ADRA2A: variants seen among roughly 807,000 people sequenced by gnomAD.
ADRA2A encodes the protein alpha-2A adrenergic receptor.
A neutral mutation model predicts 5.9 loss-of-function variants in ADRA2A; 6 were observed. That is an observed-to-expected ratio of 1.01 (90% CI 0.55 to 2.00). ADRA2A has a LOEUF of 2.00. Ranked by LOEUF, ADRA2A falls within the 30% of genes most tolerant of loss-of-function variation. ADRA2A has a pLI of 0.00. For missense variants in ADRA2A, 647 were observed against 690.0 expected (o/e 0.94, Z 0.70); for synonymous variants, 345 against 325.9 (o/e 1.06, Z -0.63).
In ADRA2A at chr10:111,077,798, A is replaced by C. The variant is rs1843547923; in HGVS notation, c.-199A>C. Reference sequence around the variant, plus strand: ...AGAAGGCGCCCACCGAGAGCGTCTGAAGCGCGAGCCAGGCGCAGTTCGCGG... The same window carrying C: ...AGAAGGCGCCCACCGAGAGCGTCTGCAGCGCGAGCCAGGCGCAGTTCGCGG... On this transcript the variant is annotated 5_prime_UTR_variant, in exon 1 of 1. Coordinates refer to ENST00000280155, the MANE Select transcript of ADRA2A (RefSeq NM_000681.4). 4.1e-6 allele frequency: 3 copies of C among 732,086 alleles called. No individual in the cohort carries two copies. Among genetic ancestry groups the C allele is most frequent in the Non-Finnish European group, 5.6e-6 (3 of 532,038 alleles). The allele number at this position is 732,086 out of a possible 1,614,324, so 45.3% of individuals were successfully genotyped here.
chr10:111,079,541 G>A lies in ADRA2A; in HGVS notation c.*147G>A. On this transcript the variant is annotated 3_prime_UTR_variant, in exon 1 of 1. Coordinates refer to ENST00000280155, the MANE Select transcript of ADRA2A (RefSeq NM_000681.4). ...GGTGGCTCTGCAGCCTCCTGCGGGCGGGCGTCTGCTGCTCCTACAAGGGAA... is the reference window on the plus strand; with the variant it reads ...GGTGGCTCTGCAGCCTCCTGCGGGCAGGCGTCTGCTGCTCCTACAAGGGAA... 2.4e-6 allele frequency: 2 copies of A among 823,584 alleles called. No homozygotes were observed. The highest frequency in any genetic ancestry group is 1.7e-5 in the African/African-American group (1 of 57,888). The allele number at this position is 823,584 out of a possible 1,614,324, so 51.0% of individuals were successfully genotyped here.
In ADRA2A at chr10:111,078,635, C is replaced by A; in HGVS notation, c.639C>A (p.Ile213=). ...CEINDQKWYV[I]SSCIGSFFAP... ...TCAACGACCAGAAGTGGTACGTCAT[C>A]TCGTCGTGCATCGGCTCCTTCTTCG... is the stretch of plus-strand genomic sequence containing the variant. Residue 213 remains isoleucine, a synonymous_variant, in exon 1 of 1, where the codon ATC becomes ATA. Transcript: ENST00000280155. 1.3e-6 allele frequency: 2 copies of A among 1,591,050 alleles called. No individual in the cohort carries two copies. Among genetic ancestry groups the A allele is most frequent in the Non-Finnish European group, 1.7e-6 (2 of 1,168,102 alleles).
rs756360648 is a variant in ADRA2A at position 111,079,383 on chromosome 10, C to G, written c.1387C>G (p.Arg463Gly). 1 of 1,613,690 alleles carries G rather than the reference C, an allele frequency of 6.2e-7. No individual in the cohort carries two copies. The highest frequency in any genetic ancestry group is 1.1e-5 in the South Asian group (1 of 91,088). Residue 463 changes from arginine (R) to glycine (G), a missense_variant, in exon 1 of 1, where the codon CGG (arginine) becomes GGG (glycine). Arg to Gly is a moderately radical substitution (Grantham distance 125, BLOSUM62 -2). This residue lies in a region of ADRA2A where 62 missense variants were observed against 59.8 expected (regional missense o/e 1.04). Coordinates refer to ENST00000280155, the MANE Select transcript of ADRA2A (RefSeq NM_000681.4). ...GATCCTCTGTCGGGGGGACAGGAAG[C>G]GGATCGTGTGAGGTTTCCGCTGGCG... ...KKILCRGDRK[R>G]IV
Position 111,079,575 on chromosome 10 carries a change from C to T in ADRA2A, c.*181C>T. The T allele has an allele frequency of 3.0e-6, 2 of 666,826 alleles. No individual in the cohort carries two copies. The highest frequency in any genetic ancestry group is 5.2e-6 in the Non-Finnish European group (2 of 384,340). 41.3% of individuals were successfully genotyped at this position (666,826 alleles called of 1,614,324 possible). On this transcript the variant is annotated 3_prime_UTR_variant, in exon 1 of 1. Coordinates refer to ENST00000280155, the MANE Select transcript of ADRA2A (RefSeq NM_000681.4). ...CTGCTCCTACAAGGGAAGCTTCTTG[C>T]TGCCAGGCCCACACATCCCCAGTTG...
In ADRA2A at chr10:111,080,576, C is replaced by G. The variant is rs370008252; in HGVS notation, c.*1182C>G. Reference sequence around the variant, plus strand: ...TCAAAATGTTGTCCTTTCCCCCCTCCGTGCTTTTCTGGTTGAGATCATGTC... The same window carrying G: ...TCAAAATGTTGTCCTTTCCCCCCTCGGTGCTTTTCTGGTTGAGATCATGTC... On this transcript the variant is annotated 3_prime_UTR_variant, in exon 1 of 1. Coordinates refer to ENST00000280155, the MANE Select transcript of ADRA2A (RefSeq NM_000681.4). The G allele has an allele frequency of 1.2e-5, 2 of 167,026 alleles. No individual in the cohort carries two copies. Among genetic ancestry groups the G allele is most frequent in the Non-Finnish European group, 2.9e-5 (2 of 68,112 alleles). The allele number at this position is 167,026 out of a possible 1,614,324, so 10.3% of individuals were successfully genotyped here. A position where few individuals can be genotyped will look rare whatever the true frequency, so the allele number is the denominator to read the frequency against.
chr10:111,079,259 G>A lies in ADRA2A; in HGVS notation c.1263G>A (p.Thr421=), dbSNP rs753047615. The A allele has an allele frequency of 5.0e-6, 8 of 1,614,026 alleles. No homozygotes were observed. The East Asian group carries it at 6.7e-5, about 13-fold the overall frequency. Residue 421 remains threonine, a synonymous_variant, in exon 1 of 1, where the codon ACG becomes ACA. Transcript: ENST00000280155. The stretch of plus-strand genomic sequence containing the variant: ...CCGTCGGGTGCTCCGTGCCACGCAC[G>A]CTCTTCAAATTCTTCTTCTGGTTCG... ...LTAVGCSVPR[T]LFKFFFWFGY...
At position 111,078,972 on chromosome 10, in the gene ADRA2A, C is replaced by A; in HGVS notation, c.976C>A (p.Pro326Thr). ...HAERPPGPRR[P>T]ERGPRGKGKA... The stretch of plus-strand genomic sequence containing the variant: ...CGAGCGGCCTCCAGGGCCCCGCAGA[C>A]CCGAGCGCGGTCCCCGGGGCAAAGG... Residue 326 changes from proline (P) to threonine (T), a missense_variant, in exon 1 of 1, where the codon CCC becomes ACC. Physicochemically the swap from Pro to Thr is conservative, Grantham distance 38. Transcript: ENST00000280155. The A allele has an allele frequency of 1.6e-6, 2 of 1,235,832 alleles. No homozygotes were observed. The highest frequency in any genetic ancestry group is 2.0e-6 in the Non-Finnish European group (2 of 992,124). The allele number at this position is 1,235,832 out of a possible 1,614,324, so 76.6% of individuals were successfully genotyped here.
Position 111,078,838 on chromosome 10 carries a change from C to A in ADRA2A, c.842C>A (p.Ala281Asp). The A allele has an allele frequency of 1.6e-6, 2 of 1,218,798 alleles. No individual in the cohort carries two copies. The highest frequency in any genetic ancestry group is 3.2e-5 in the South Asian group (1 of 30,924). The allele number at this position is 1,218,798 out of a possible 1,614,324, so 75.5% of individuals were successfully genotyped here. ...ERSAGPGGAE[A>D]EPLPTQLNGA... ...AGCGCGGGCCCGGGGGGCGCAGAGGCCGAACCGCTGCCCACCCAGCTCAAC... is the reference window on the plus strand; with the variant it reads ...AGCGCGGGCCCGGGGGGCGCAGAGGACGAACCGCTGCCCACCCAGCTCAAC... Residue 281 changes from alanine to aspartate, a missense_variant, in exon 1 of 1, where the codon GCC becomes GAC. By Grantham distance (126) the Ala-to-Asp change is moderately radical. This residue lies in a region of ADRA2A where 577 missense variants were observed against 605.4 expected (regional missense o/e 0.95). Transcript: ENST00000280155.
Position 111,077,437 on chromosome 10 carries a change from T to G in ADRA2A, c.-560T>G, listed in dbSNP as rs1470002204. 6.6e-6 allele frequency: 1 copy of G among 151,122 alleles called. No individual in the cohort carries two copies. Among genetic ancestry groups the G allele is most frequent in the Non-Finnish European group, 1.5e-5 (1 of 67,858 alleles). 9.4% of individuals were successfully genotyped at this position (151,122 alleles called of 1,614,324 possible). On this transcript the variant is annotated 5_prime_UTR_variant, in exon 1 of 1. Coordinates refer to ENST00000280155, the MANE Select transcript of ADRA2A (RefSeq NM_000681.4). ...GCCGGGCCGGGCCAGAACCGCAGCG[T>G]CTGGGGGAAGCCAGAGAGTCGGTAA...
Position 111,078,598 on chromosome 10 carries a change from C to G in ADRA2A, c.602C>G (p.Pro201Arg), listed in dbSNP as rs1051407392. The change falls in exon 1 of 1, where the codon CCG becomes CGG. Residue 201 changes from proline (P) to arginine (R), a missense_variant. Physicochemically the swap from Pro to Arg is moderately radical, Grantham distance 103. Transcript: ENST00000280155. ...GGCGGCGGCCCGCAGCCGGCCGAGC[C>G]GCGCTGCGAGATCAACGACCAGAAG... Reference protein sequence around the residue: ...GGGGGPQPAEPRCEINDQKWY... With the variant: ...GGGGGPQPAERRCEINDQKWY... The G allele has an allele frequency of 1.2e-6, 2 of 1,600,302 alleles. No homozygotes were observed. The highest frequency in any genetic ancestry group is 1.1e-5 in the South Asian group (1 of 89,766).
Position 111,078,659 on chromosome 10 carries a change from C to T in ADRA2A, c.663C>T (p.Phe221=), listed in dbSNP as rs1334225932. Residue 221 remains phenylalanine, a synonymous_variant, in exon 1 of 1, where the codon TTC becomes TTT. Transcript: ENST00000280155. ...YVISSCIGSF[F]APCLIMILVY... is the part of the protein sequence containing the mutation. ...TCTCGTCGTGCATCGGCTCCTTCTT[C>T]GCTCCCTGCCTCATCATGATCCTGG... 2 of 1,581,514 alleles carry T rather than the reference C, an allele frequency of 1.3e-6. No homozygotes were observed. The highest frequency in any genetic ancestry group is 2.3e-5 in the South Asian group (2 of 87,450).
chr10:111,079,073 G>C lies in ADRA2A; in HGVS notation c.1077G>C (p.Thr359=), dbSNP rs1843568935. 3 of 1,378,724 alleles carry C rather than the reference G, an allele frequency of 2.2e-6. No homozygotes were observed. The highest frequency in any genetic ancestry group is 2.8e-6 in the Non-Finnish European group (3 of 1,071,308). The allele number at this position is 1,378,724 out of a possible 1,614,324, so 85.4% of individuals were successfully genotyped here. A position where few individuals can be genotyped will look rare whatever the true frequency, so the allele number is the denominator to read the frequency against. Residue 359 remains threonine (T), a synonymous_variant, in exon 1 of 1, where the codon ACG becomes ACC. Transcript: ENST00000280155. The part of the protein sequence containing the change: ...RRGPGATGIG[T]PAAGPGEERV... ...GGCCGGGGGCGACGGGGATCGGGAC[G>C]CCGGCTGCAGGGCCGGGGGAGGAGC... is the stretch of plus-strand genomic sequence containing the variant.
chr10:111,079,082 A>C lies in ADRA2A; in HGVS notation c.1086A>C (p.Ala362=). 1.4e-5 allele frequency: 20 copies of C among 1,420,910 alleles called. No homozygotes were observed. Among genetic ancestry groups the C allele is most frequent in the Non-Finnish European group, 1.8e-5 (20 of 1,092,216 alleles). 88.0% of individuals were successfully genotyped at this position (1,420,910 alleles called of 1,614,324 possible). The change falls in exon 1 of 1, where the codon GCA becomes GCC. Residue 362 remains alanine, a synonymous_variant. Transcript: ENST00000280155. ...CGACGGGGATCGGGACGCCGGCTGC[A>C]GGGCCGGGGGAGGAGCGCGTCGGGG... is the stretch of plus-strand genomic sequence containing the variant. ...PGATGIGTPA[A]GPGEERVGAA... is the part of the protein sequence containing the mutation.
rs1201700337 is a variant in ADRA2A at position 111,077,423 on chromosome 10, C to A, written c.-574C>A. On this transcript the variant is annotated 5_prime_UTR_variant, in exon 1 of 1. Coordinates refer to ENST00000280155, the MANE Select transcript of ADRA2A (RefSeq NM_000681.4). ...CGCCCCAGCCCCGGGCCGGGCCGGGCCAGAACCGCAGCGTCTGGGGGAAGC... is the reference window on the plus strand; with the variant it reads ...CGCCCCAGCCCCGGGCCGGGCCGGGACAGAACCGCAGCGTCTGGGGGAAGC... The A allele has an allele frequency of 6.6e-6, 1 of 152,050 alleles. No individual in the cohort carries two copies. The highest frequency in any genetic ancestry group is 1.5e-5 in the Non-Finnish European group (1 of 68,048). 9.4% of individuals were successfully genotyped at this position (152,050 alleles called of 1,614,324 possible). A position where few individuals can be genotyped will look rare whatever the true frequency, so the allele number is the denominator to read the frequency against.
chr10:111,078,037 C>A lies in ADRA2A; in HGVS notation c.41C>A (p.Ala14Glu). Reference protein sequence around the residue: ...QEQPLAEGSFAPMGSLQPDAG... With the variant: ...QEQPLAEGSFEPMGSLQPDAG... The stretch of plus-strand genomic sequence containing the variant: ...CAGCCGTTGGCCGAGGGCAGCTTTG[C>A]GCCCATGGGCTCCCTGCAGCCGGAC... Residue 14 changes from alanine to glutamate, a missense_variant, in exon 1 of 1, where the codon GCG (alanine) becomes GAG (glutamate). Around this residue, in one of 3 missense-constraint regions of ADRA2A, gnomAD observed 577 missense variants for 605.4 expected, o/e 0.95. Coordinates refer to ENST00000280155, the MANE Select transcript of ADRA2A (RefSeq NM_000681.4). 6.7e-7 allele frequency: 1 copy of A among 1,491,726 alleles called. No individual in the cohort carries two copies. The allele number at this position is 1,491,726 out of a possible 1,614,324, so 92.4% of individuals were successfully genotyped here. A position where few individuals can be genotyped will look rare whatever the true frequency, so the allele number is the denominator to read the frequency against.
rs763351862 is a variant in ADRA2A, at chr10:111,078,388, TC to T, written c.393del (p.Cys132AlafsTer27). 1 of 1,614,044 alleles carries T rather than the reference TC, an allele frequency of 6.2e-7. No homozygotes were observed. Among genetic ancestry groups the T allele is most frequent in the Non-Finnish European group, 8.5e-7 (1 of 1,179,992 alleles). On this transcript the variant is annotated frameshift_variant, in exon 1 of 1. Transcript: ENST00000280155. LOFTEE classifies it low-confidence loss of function (END_TRUNC). ...ATCTACCTGGCGCTCGACGTGCTCT[TC>T]TGCACGTCGTCCATCGTGCACCTGT... ...CEIYLALDVL[F>X]CTSSIVHLCA...
chr10:111,078,185 G>A lies in ADRA2A; in HGVS notation c.189G>A (p.Val63=). 1.2e-6 allele frequency: 2 copies of A among 1,612,466 alleles called. No individual in the cohort carries two copies. Among genetic ancestry groups the A allele is most frequent in the South Asian group, 1.1e-5 (1 of 90,932 alleles). ...CCGGCCTGCTCATGCTGCTCACCGT[G>A]TTCGGCAACGTGCTCGTCATCATCG... ...CLAGLLMLLT[V]FGNVLVIIAV... Residue 63 remains valine, a synonymous_variant, in exon 1 of 1, where the codon GTG becomes GTA. Transcript: ENST00000280155.
downstream of ADRA2A, chr10:111,080,907 A>AT (rs1465690857): frequency 1.2e-5 from 2 of 161,776 alleles, no homozygotes; most frequent in African/African-American, 4.8e-5. Context: ...CATTATAAAA[A>AT]TTTTTTAAAC....
At position 111,077,422 on chromosome 10, in the gene ADRA2A, GC is replaced by G; in HGVS notation, c.-573del. 1 of 152,196 alleles carries G rather than the reference GC, an allele frequency of 6.6e-6. No homozygotes were observed. The highest frequency in any genetic ancestry group is 2.1e-4 in the South Asian group (1 of 4,810). The allele number at this position is 152,196 out of a possible 1,614,324, so 9.4% of individuals were successfully genotyped here. ...GCGCCCCAGCCCCGGGCCGGGCCGG[GC>G]CAGAACCGCAGCGTCTGGGGGAAGC... On this transcript the variant is annotated 5_prime_UTR_variant, in exon 1 of 1. An upstream open reading frame in the 5' UTR gains an earlier in-frame stop. Transcript: ENST00000280155.
Sources: gnomAD v4.1 joint callset for allele counts on GRCh38, gnomAD v4.1.1 for gene constraint, gnomAD v4.1.1 regional missense constraint, MANE v1.5 for transcripts, NCBI Gene and HGNC (gene_info 2026-07-23, HGNC 2026-07-21) for gene names.